MAN2A1: variants seen among roughly 807,000 people sequenced by gnomAD.
MAN2A1 encodes alpha-mannosidase 2.
In MAN2A1, 76 loss-of-function variants were observed where a neutral mutation model predicts 142.6. The observed-to-expected ratio is 0.53, with a 90% CI of 0.44 to 0.65. The LOEUF (loss-of-function observed/expected upper bound fraction) is 0.65, where lower values mean the gene tolerates loss of function less well. MAN2A1 is among the 30% of genes least tolerant of loss of function. MAN2A1 has a pLI of 0.00. For synonymous variants in MAN2A1, 559 were observed against 473.2 expected (o/e 1.18, Z -2.35); for missense variants, 1,311 against 1,365.1 (o/e 0.96, Z 0.62).
At chr5:109,737,095 T>TTC (rs1469707611) in intron 4 of MAN2A1, among the ~76,000 whole-genome samples, 1 of 144,244 alleles carries the variant, frequency 6.9e-6, no homozygotes, top group East Asian at 2.0e-4. Context: ...GTATACTCTT[T>TTC]TTTTTTTTTT....
At chr5:109,788,562 C>G (rs760982424) in intron 10 of MAN2A1, among the ~76,000 whole-genome samples, 6 of 151,740 alleles carry the variant, frequency 4.0e-5, no homozygotes, top group Non-Finnish European at 8.8e-5. Context: ...ATTGTTAAAA[C>G]CCTTGTTAGA....
At position 109,767,810 on chromosome 5, in the gene MAN2A1, A is replaced by T. The variant is rs1406138472; in HGVS notation, c.1009+102A>T. 8 of 943,534 alleles carry T rather than the reference A, an allele frequency of 8.5e-6. No individual in the cohort carries two copies. The Admixed American group carries it at 1.8e-4, about 22-fold the overall frequency. 58.4% of individuals were successfully genotyped at this position (943,534 alleles called of 1,614,324 possible). ...TGGGTTTTGTTCACTGTCAGTCTTG[A>T]AAAATCAGGTGGCCTAAAGATAGTC... On this transcript the variant is annotated intron_variant, in intron 6 of 21. Transcript: ENST00000261483.
chr5:109,815,531 G>T (rs551451390), intron 12 of MAN2A1, among the ~76,000 whole-genome samples: 1 of 152,140 alleles, frequency 6.6e-6, no homozygotes, highest in Non-Finnish European at 1.5e-5. Context: ...AGGAATTAGA[G>T]ACATTCTTAA....
At chr5:109,743,720 G>C (rs757161517) in intron 4 of MAN2A1, among the ~76,000 whole-genome samples, 3 of 152,108 alleles carry the variant, frequency 2.0e-5, no homozygotes, top group Non-Finnish European at 2.9e-5. Context: ...ACCTCCAAAT[G>C]GCCTTTCCAT....
intron 17 of MAN2A1, among the ~76,000 whole-genome samples, chr5:109,843,579 C>G (rs1284283221): frequency 6.6e-6 from 1 of 152,120 alleles, no homozygotes; most frequent in African/African-American, 2.4e-5. Flanking sequence ...AACTCTTCCT[C>G]TATATGTGTG....
chr5:109,791,702 T>C (rs886373689), intron 12 of MAN2A1, among the ~76,000 whole-genome samples: 1 of 152,072 alleles, frequency 6.6e-6, no homozygotes, highest in Non-Finnish European at 1.5e-5. Flanking sequence ...CTTTTTAATA[T>C]ATAAAGCACA....
intron 16 of MAN2A1, among the ~76,000 whole-genome samples, chr5:109,831,269 T>C (rs1754899356): frequency 6.6e-6 from 1 of 152,212 alleles, no homozygotes; most frequent in African/African-American, 2.4e-5. Context: ...TTGTATCTAC[T>C]TACAAGAGTG....
intron 12 of MAN2A1, among the ~76,000 whole-genome samples, chr5:109,797,738 C>T (rs1265477916): frequency 6.6e-6 from 1 of 151,962 alleles, no homozygotes; most frequent in Non-Finnish European, 1.5e-5. Context: ...AGAGCCACCC[C>T]GAGTACACCA....
At position 109,690,447 on chromosome 5, in the gene MAN2A1, C is replaced by A. The variant is rs766273246; in HGVS notation, c.30C>A (p.Phe10Leu). The A allele has an allele frequency of 4.3e-6, 7 of 1,614,038 alleles. No individual in the cohort carries two copies. The highest frequency in any genetic ancestry group is 5.1e-6 in the Non-Finnish European group (6 of 1,179,924). MKLSRQFTV[F>L]GSAIFCVVIF... Reference sequence around the variant, plus strand: ...AGTTAAGCCGCCAGTTCACCGTGTTCGGCAGTGCGATCTTCTGTGTGGTGA... The same window carrying A: ...AGTTAAGCCGCCAGTTCACCGTGTTAGGCAGTGCGATCTTCTGTGTGGTGA... Residue 10 changes from phenylalanine (F) to leucine (L), a missense_variant, in exon 1 of 22, where the codon TTC becomes TTA. Physicochemically the swap from Phe to Leu is conservative, Grantham distance 22. Coordinates refer to ENST00000261483, the MANE Select transcript of MAN2A1 (RefSeq NM_002372.4).
chr5:109,741,107 C>G (rs1212038437), intron 4 of MAN2A1, among the ~76,000 whole-genome samples: 1 of 152,064 alleles, frequency 6.6e-6, no homozygotes, highest in Non-Finnish European at 1.5e-5. Context: ...CACTCAGATT[C>G]CTTCTGAGTG....
chr5:109,866,714 C>A (rs1755892689), intron 21 of MAN2A1, 132 bp from the exon 22 acceptor site: 3 of 554,418 alleles, frequency 5.4e-6, no homozygotes, highest in Non-Finnish European at 9.6e-6. Context: ...TTTAATCCAC[C>A]CTTTTTTCCT....
chr5:109,795,963 T>G (rs1406308347), intron 12 of MAN2A1, among the ~76,000 whole-genome samples: 1 of 152,234 alleles, frequency 6.6e-6, no homozygotes, highest in Non-Finnish European at 1.5e-5. Flanking sequence ...CAGGCCAATG[T>G]ACTTCCCTCC....
intron 1 of MAN2A1, among the ~76,000 whole-genome samples, chr5:109,708,845 C>T (rs1332422551): frequency 1.3e-5 from 2 of 152,118 alleles, no homozygotes; most frequent in South Asian, 2.1e-4. Context: ...TGAGAATTTG[C>T]CCTTTCTCTG....
intron 15 of MAN2A1, among the ~76,000 whole-genome samples, chr5:109,821,610 C>T (rs1004929696): frequency 6.6e-6 from 1 of 152,092 alleles, no homozygotes; most frequent in Non-Finnish European, 1.5e-5. Context: ...CAAGCTTTGC[C>T]TATAATAGTA....
intron 10 of MAN2A1, among the ~76,000 whole-genome samples, chr5:109,786,373 A>G (rs1753596010): frequency 6.6e-6 from 1 of 152,026 alleles, no homozygotes. Context: ...TACACCGCCC[A>G]CTTGCTATCT....
At chr5:109,849,108 C>T (rs753862903) in intron 19 of MAN2A1, among the ~76,000 whole-genome samples, 1 of 152,212 alleles carries the variant, frequency 6.6e-6, no homozygotes, top group Non-Finnish European at 1.5e-5. Context: ...TTTCCTCCTA[C>T]CTGTCTGGCA....
At chr5:109,833,598 G>A (rs1330131608) in intron 16 of MAN2A1, among the ~76,000 whole-genome samples, 1 of 151,722 alleles carries the variant, frequency 6.6e-6, no homozygotes, top group Non-Finnish European at 1.5e-5. Flanking sequence ...CATGGAGGTT[G>A]CAGTGAGCCG....
chr5:109,796,698 C>T (rs988487668), intron 12 of MAN2A1, among the ~76,000 whole-genome samples: 11 of 152,166 alleles, frequency 7.2e-5, no homozygotes, highest in Admixed American at 7.2e-4. Context: ...GAAGCCTTCC[C>T]TTTGTTCAGA....
At chr5:109,691,443 A>G (rs1329994671) in intron 1 of MAN2A1, among the ~76,000 whole-genome samples, 3 of 152,210 alleles carry the variant, frequency 2.0e-5, no homozygotes, top group Non-Finnish European at 4.4e-5. Context: ...CTCTGTAACG[A>G]ATGAACCTGA....
Sources: gnomAD v4.1 joint callset for allele counts (sites outside exome capture counted in the v4.1 genomes callset) on GRCh38, gnomAD v4.1.1 for gene constraint, MANE v1.5 for transcripts, NCBI Gene and HGNC (gene_info 2026-07-23, HGNC 2026-07-21) for gene names.